DGKG: variants seen among roughly 807,000 people sequenced by gnomAD.
DGKG encodes the protein diacylglycerol kinase gamma.
A neutral mutation model predicts 105.3 loss-of-function variants in DGKG; 78 were observed. The observed-to-expected ratio is 0.74, with a 90% CI of 0.62 to 0.89. DGKG has a LOEUF of 0.89. Among genes scored for constraint, DGKG ranks in the 40% least tolerant of loss-of-function variants. The pLI is 0.00. For synonymous variants in DGKG, 346 were observed against 367.1 expected (o/e 0.94, Z 0.66); for missense variants, 958 against 1,020.1 (o/e 0.94, Z 0.83).
chr3:186,356,888 G>A (rs551111575), intron 1 of DGKG, among the ~76,000 whole-genome samples: 72 of 152,092 alleles, frequency 4.7e-4, no homozygotes, highest in South Asian at 8.3e-4. Context: ...TTGGTTCCCC[G>A]CCCTTTTCCC....
At chr3:186,151,015 C>T (rs1715734517) in intron 24 of DGKG, among the ~76,000 whole-genome samples, 1 of 152,196 alleles carries the variant, frequency 6.6e-6, no homozygotes, top group Admixed American at 6.5e-5. Flanking sequence ...GAAGTGGGAA[C>T]AGGAAGCAAT....
At chr3:186,186,786 C>G (rs1189497610) in intron 22 of DGKG, among the ~76,000 whole-genome samples, 1 of 152,164 alleles carries the variant, frequency 6.6e-6, no homozygotes, top group Non-Finnish European at 1.5e-5. Context: ...AATCAGCTGC[C>G]AGGAGCTTTG....
In DGKG at chr3:186,211,260, A is replaced by G. The variant is rs527514513; in HGVS notation, c.1917+535T>C. Among the ~76,000 whole-genome samples, 13 of 152,334 alleles carry G rather than the reference A, an allele frequency of 8.5e-5. 1 individual carries two copies. In the South Asian group the frequency reaches 2.5e-3, roughly 29 times the overall value. On this transcript the variant is annotated intron_variant, in intron 21 of 24. Coordinates refer to ENST00000265022, the MANE Select transcript of DGKG (RefSeq NM_001346.3). ...ATCAAGGGCCCTTCTAAGCACAAGG[A>G]CATTTTGTGACCACACAGGTTGCAC...
In DGKG at chr3:186,210,444, G is replaced by A. The variant is rs577072474; in HGVS notation, c.1917+1351C>T. On this transcript the variant is annotated intron_variant, in intron 21 of 24. Transcript: ENST00000265022. This position sits in a 1 kb window ranked among gnomAD's most constrained non-coding sequence, Gnocchi z 5.2. ...TGTGCCACCTGGGGACACACAACCT[G>A]GCGCCTGGCCTCTCTGCCCTCTTAC... Among the ~76,000 whole-genome samples the A allele has an allele frequency of 6.6e-6, 1 of 152,342 alleles. No individual in the cohort carries two copies. Among genetic ancestry groups the A allele is most frequent in the African/African-American group, 2.4e-5 (1 of 41,586 alleles).
chr3:186,303,689 T>C (rs1438737762), intron 3 of DGKG, among the ~76,000 whole-genome samples: 1 of 152,158 alleles, frequency 6.6e-6, no homozygotes, highest in Non-Finnish European at 1.5e-5. Flanking sequence ...CCTGCCTCTT[T>C]TGCTTTTCTG....
intron 1 of DGKG, among the ~76,000 whole-genome samples, chr3:186,321,167 C>CTAT (rs1560153612): frequency 6.6e-6 from 1 of 152,170 alleles, no homozygotes; most frequent in Non-Finnish European, 1.5e-5. Context: ...AGTTCTCTGT[C>CTAT]CTCTTAGAGC....
chr3:186,267,253 G>T (rs1722098028), intron 13 of DGKG, among the ~76,000 whole-genome samples: 1 of 152,174 alleles, frequency 6.6e-6, no homozygotes, highest in African/African-American at 2.4e-5. Flanking sequence ...CCTGCAAAAG[G>T]CTTAGAACAA....
intron 17 of DGKG, among the ~76,000 whole-genome samples, chr3:186,255,288 C>A (rs1721412678): frequency 6.6e-6 from 1 of 152,238 alleles, no homozygotes; most frequent in African/African-American, 2.4e-5. Flanking sequence ...GGCTTGGGTT[C>A]TCATGGTGCT....
intron 7 of DGKG, among the ~76,000 whole-genome samples, chr3:186,283,206 A>G (rs1454348695): frequency 6.6e-6 from 1 of 152,124 alleles, no homozygotes; most frequent in Non-Finnish European, 1.5e-5. Flanking sequence ...GGCCAAAGAT[A>G]AACACTATTA....
chr3:186,342,673 C>T (rs1309731526), intron 1 of DGKG, among the ~76,000 whole-genome samples: 1 of 151,950 alleles, frequency 6.6e-6, no homozygotes, highest in African/African-American at 2.4e-5. Context: ...GAGAAACAAG[C>T]CACTCCAGCT....
intron 1 of DGKG, among the ~76,000 whole-genome samples, chr3:186,358,741 C>G (rs973641126): frequency 1.2e-4 from 18 of 151,538 alleles, no homozygotes; most frequent in African/African-American, 4.1e-4. Context: ...AATTCTGATA[C>G]TTGGTACAAA....
chr3:186,264,268 CT>C (rs1373537879), intron 14 of DGKG, among the ~76,000 whole-genome samples: 1 of 151,652 alleles, frequency 6.6e-6, no homozygotes, highest in Non-Finnish European at 1.5e-5. Flanking sequence ...TTTTCTTTTT[CT>C]TTTTTTTCTT....
At chr3:186,174,486 AAGGC>A (rs1333262907) in intron 22 of DGKG, among the ~76,000 whole-genome samples, 1 of 152,258 alleles carries the variant, frequency 6.6e-6, no homozygotes, top group East Asian at 1.9e-4. Flanking sequence ...GAAAAAGAGA[AAGGC>A]AGAGAGACGG....
rs148965285 is a variant in DGKG at position 186,191,360 on chromosome 3, C to T, written c.1918-2981G>A. Among the ~76,000 whole-genome samples, 11 of 152,144 alleles carry T rather than the reference C, an allele frequency of 7.2e-5. No individual in the cohort carries two copies. In the East Asian group the frequency reaches 2.1e-3, roughly 29 times the overall value. ...TCAGTCTGTGGTTTCCAAAATGTAC[C>T]CTATTCTTATTTTTTGAACACTGGA... is the stretch of plus-strand genomic sequence containing the variant. On this transcript the variant is annotated intron_variant, in intron 21 of 24. Transcript: ENST00000265022.
intron 1 of DGKG, among the ~76,000 whole-genome samples, chr3:186,349,992 C>T (rs1726549539): frequency 6.6e-6 from 1 of 151,920 alleles, no homozygotes; most frequent in South Asian, 2.1e-4. Context: ...TCAAGCGATT[C>T]TCATGCCTCA....
At chr3:186,233,681 C>T (rs1720270588) in intron 20 of DGKG, among the ~76,000 whole-genome samples, 1 of 152,140 alleles carries the variant, frequency 6.6e-6, no homozygotes, top group Non-Finnish European at 1.5e-5. Context: ...GATGGGGTTT[C>T]ACCGTGTCAG....
rs564676538 is a variant in DGKG, at chr3:186,148,991, A to AAT, written c.*1097_*1098dup. ...TATATATATATAAATATATAGGCTA[A>AAT]ATATATATATATACACGCACACACA... On this transcript the variant is annotated 3_prime_UTR_variant, in exon 25 of 25. Coordinates refer to ENST00000265022, the MANE Select transcript of DGKG (RefSeq NM_001346.3). The AAT allele has an allele frequency of 5.1e-3, 3,944 of 767,574 alleles. 6 individuals carry two copies. Among genetic ancestry groups the AAT allele is most frequent in the Non-Finnish European group, 5.4e-3 (3,410 of 634,546 alleles). The allele number at this position is 767,574 out of a possible 1,614,324, so 47.5% of individuals were successfully genotyped here. A position where few individuals can be genotyped will look rare whatever the true frequency, so the allele number is the denominator to read the frequency against.
At chr3:186,285,623 A>G (rs984676591) in intron 6 of DGKG, among the ~76,000 whole-genome samples, 1 of 151,834 alleles carries the variant, frequency 6.6e-6, no homozygotes, top group Admixed American at 6.6e-5. Flanking sequence ...ATAAGTCAGC[A>G]TGGCAGGAAG....
At position 186,231,724 on chromosome 3, in the gene DGKG, G is replaced by C. The variant is rs1270340617; in HGVS notation, c.1826+10780C>G. On this transcript the variant is annotated intron_variant, in intron 20 of 24. Transcript: ENST00000265022. The surrounding 1 kb of genome is among the most constrained non-coding windows in gnomAD (Gnocchi z 4.5). ...AACTGAGGTCAGGAGTTTGAGACCA[G>C]CCTGGCCAACATGGTGAAACCCGCT... 6.6e-6 allele frequency among the ~76,000 whole-genome samples: 1 copy of C among 152,130 alleles called. No individual in the cohort carries two copies. Among genetic ancestry groups the C allele is most frequent in the Non-Finnish European group, 1.5e-5 (1 of 68,034 alleles).
Sources: gnomAD v4.1 joint callset for allele counts (sites outside exome capture counted in the v4.1 genomes callset) on GRCh38, gnomAD v4.1.1 for gene constraint, Gnocchi (gnomAD v3.1) non-coding constraint, MANE v1.5 for transcripts, NCBI Gene and HGNC (gene_info 2026-07-23, HGNC 2026-07-21) for gene names.